ABCA12: variants seen among roughly 807,000 people sequenced by gnomAD.
The protein encoded by ABCA12 is glucosylceramide transporter ABCA12.
ABCA12 carries 156 observed loss-of-function variants against 293.5 expected under a neutral mutation model. That is an observed-to-expected ratio of 0.53 (90% CI 0.47 to 0.61). The LOEUF is 0.61. Among genes scored for constraint, ABCA12 ranks in the 20% least tolerant of loss-of-function variants. The pLI is 0.00. For missense variants in ABCA12, 2,797 were observed against 3,090.2 expected (o/e 0.91, Z 2.25); for synonymous variants, 1,063 against 1,108.0 (o/e 0.96, Z 0.81).
chr2:214,943,090 A>C (rs1698459096), intron 49 of ABCA12, 73 bp from the exon 50 acceptor site: 2 of 1,162,804 alleles, frequency 1.7e-6, no homozygotes, highest in Non-Finnish European at 2.6e-6. Context: ...GAGCATAAGC[A>C]TAATTGTTTC....
At chr2:215,127,523 A>T (rs1451821324) in intron 1 of ABCA12, among the ~76,000 whole-genome samples, 2 of 152,120 alleles carry the variant, frequency 1.3e-5, no homozygotes, top group Non-Finnish European at 2.9e-5. Context: ...CCTCTTGGAC[A>T]AGGCCTTTTA....
chr2:214,951,111 C>T (rs1180554263), intron 44 of ABCA12, 28 bp from the exon 45 acceptor site: 1 of 1,592,590 alleles, frequency 6.3e-7, no homozygotes, highest in Admixed American at 1.7e-5. Flanking sequence ...GATTTTACGT[C>T]AATGATTTTG....
chr2:215,055,402 T>G (rs1701401245), intron 3 of ABCA12, among the ~76,000 whole-genome samples: 1 of 152,040 alleles, frequency 6.6e-6, no homozygotes, highest in Non-Finnish European at 1.5e-5. Flanking sequence ...TAGTTTGTTA[T>G]TAAAATGGAG....
At chr2:214,945,143 T>TTGATA in intron 48 of ABCA12, 39 bp from the exon 49 acceptor site, 3 of 1,501,030 alleles carry the variant, frequency 2.0e-6, no homozygotes, top group Non-Finnish European at 2.8e-6. Flanking sequence ...TCAAATTAAT[T>TTGATA]AATTTTTGAT....
In ABCA12 at chr2:214,986,611, T is replaced by C; in HGVS notation, c.4094A>G (p.Asn1365Ser). The C allele has an allele frequency of 6.2e-7, 1 of 1,614,098 alleles. No individual in the cohort carries two copies. The highest frequency in any genetic ancestry group is 8.5e-7 in the Non-Finnish European group (1 of 1,179,992). ...YGSKVAVDNLNLNFYEGHITS... is the reference protein window; with the variant it reads ...YGSKVAVDNLSLNFYEGHITS... ...AATATGCCCTTCATAAAAGTTCAGATTGAGGTTATCAACAGCAACTTTTGA... is the reference window on the plus strand; with the variant it reads ...AATATGCCCTTCATAAAAGTTCAGACTGAGGTTATCAACAGCAACTTTTGA... The change falls in exon 28 of 53, where the codon AAT (asparagine) becomes AGT (serine). Residue 1365 changes from asparagine to serine, a missense_variant. This residue lies in a region of ABCA12 where 2,130 missense variants were observed against 2,427.0 expected (regional missense o/e 0.88). Coordinates refer to ENST00000272895, the MANE Select transcript of ABCA12 (RefSeq NM_173076.3).
intron 2 of ABCA12, among the ~76,000 whole-genome samples, chr2:215,065,120 A>C (rs959884773): frequency 1.5e-4 from 23 of 151,906 alleles, no homozygotes; most frequent in African/African-American, 5.6e-4. Context: ...ATGATGGCAT[A>C]CACACGAGTC....
chr2:215,090,963 G>T (rs1174414126), intron 2 of ABCA12, among the ~76,000 whole-genome samples: 2 of 152,020 alleles, frequency 1.3e-5, no homozygotes, highest in Non-Finnish European at 2.9e-5. Flanking sequence ...ACTCGACAAT[G>T]GTTCTAAATG....
chr2:215,124,944 G>A (rs1426910059), intron 1 of ABCA12, among the ~76,000 whole-genome samples: 2 of 152,106 alleles, frequency 1.3e-5, no homozygotes, highest in African/African-American at 2.4e-5. Flanking sequence ...TCAGGTCTTC[G>A]GTTTAAGTCC....
At chr2:215,083,433 C>G (rs562798122) in intron 2 of ABCA12, among the ~76,000 whole-genome samples, 2 of 152,212 alleles carry the variant, frequency 1.3e-5, no homozygotes, top group South Asian at 4.2e-4. Flanking sequence ...TTGGACTCAT[C>G]ATGGGAGACA....
rs184293222 is a variant in ABCA12 at position 215,060,821 on chromosome 2, C to G, written c.317+3245G>C. Reference sequence around the variant, plus strand: ...AAGCCTTGGCACTTTAAAATTTGACCCGACTAAACTCTGATTAAATATTTT... The same window carrying G: ...AAGCCTTGGCACTTTAAAATTTGACGCGACTAAACTCTGATTAAATATTTT... On this transcript the variant is annotated intron_variant, in intron 3 of 52. Coordinates refer to ENST00000272895, the MANE Select transcript of ABCA12 (RefSeq NM_173076.3). Among the ~76,000 whole-genome samples, 15 of 152,080 alleles carry G rather than the reference C, an allele frequency of 9.9e-5. No homozygotes were observed. In the East Asian group the frequency reaches 2.9e-3, roughly 30 times the overall value.
intron 2 of ABCA12, chr2:215,080,959 G>T (rs13027355): frequency 0.26 from 40,236 of 152,004 alleles, 5,640 homozygotes; most frequent in Middle Eastern, 0.36. Context: ...TTCTCAACCA[G>T]TGCTGGAAAA....
intron 22 of ABCA12, among the ~76,000 whole-genome samples, 157 bp from the exon 23 acceptor site, chr2:214,997,966 A>G (rs1277404399): frequency 6.6e-6 from 1 of 152,170 alleles, no homozygotes; most frequent in Non-Finnish European, 1.5e-5. Context: ...TTTACGAAGC[A>G]TGAAGCTGAT....
rs188951528 is a variant in ABCA12 at position 214,964,834 on chromosome 2, A to T, written c.5884+2014T>A. Among the ~76,000 whole-genome samples, 69 of 152,354 alleles carry T rather than the reference A, an allele frequency of 4.5e-4. 1 individual carries two copies. In the East Asian group the frequency reaches 0.013, roughly 29 times the overall value. ...AATTTACAGATTCAATGCTATTCCC[A>T]TTAAACTACCATTGACATTCTTCAC... On this transcript the variant is annotated intron_variant, in intron 39 of 52. Transcript: ENST00000272895.
intron 51 of ABCA12, among the ~76,000 whole-genome samples, chr2:214,937,123 A>G (rs1205207287): frequency 1.3e-5 from 2 of 152,210 alleles, no homozygotes; most frequent in African/African-American, 4.8e-5. Context: ...AAATGTCGCT[A>G]TGACATTACC....
chr2:214,980,221 G>T (rs182670477), intron 31 of ABCA12, among the ~76,000 whole-genome samples: 2 of 152,074 alleles, frequency 1.3e-5, no homozygotes, highest in Non-Finnish European at 2.9e-5. Flanking sequence ...CAACATCAGC[G>T]TCACCTGGGA....
At chr2:215,020,166 G>A (rs1002737311) in intron 11 of ABCA12, among the ~76,000 whole-genome samples, 4 of 151,426 alleles carry the variant, frequency 2.6e-5, no homozygotes, top group African/African-American at 4.9e-5. Flanking sequence ...GTTTTAGAAC[G>A]TTTAAAAAGT....
In ABCA12 at chr2:215,122,662, C is replaced by T. The variant is rs150503601; in HGVS notation, c.70-10972G>A. ...ACTGAGCTACAGTGTGATCCAGTAG[C>T]GAAACAGTTACCACAGAAAATAAAC... On this transcript the variant is annotated intron_variant, in intron 1 of 52. Transcript: ENST00000272895. Among the ~76,000 whole-genome samples the T allele has an allele frequency of 1.2e-3, 177 of 152,278 alleles. 2 individuals carry two copies. In the East Asian group the frequency reaches 0.02, roughly 17 times the overall value.
chr2:215,055,841 T>TA (rs1398275765), intron 3 of ABCA12, among the ~76,000 whole-genome samples: 1 of 152,116 alleles, frequency 6.6e-6, no homozygotes, highest in Non-Finnish European at 1.5e-5. Flanking sequence ...TGTATGCCCC[T>TA]AATCTTTTTA....
chr2:215,100,915 G>A (rs1043295549), intron 2 of ABCA12, among the ~76,000 whole-genome samples: 2 of 152,168 alleles, frequency 1.3e-5, no homozygotes, highest in South Asian at 4.1e-4. Flanking sequence ...TGGGTTCCCT[G>A]GGCATGTAAC....
Sources: allele counts gnomAD v4.1 joint callset (sites outside exome capture counted in the v4.1 genomes callset), GRCh38; gene constraint gnomAD v4.1.1; regional missense constraint gnomAD v4.1.1; transcripts MANE v1.5; gene names NCBI Gene and HGNC (gene_info 2026-07-23, HGNC 2026-07-21).